Variants in GLIS3 observed in about 807,000 individuals in gnomAD.
GLIS3 encodes the protein GLIS family zinc finger 3, also known as zinc finger protein GLIS3.
In GLIS3, 53 loss-of-function variants were observed where a neutral mutation model predicts 78.6. The ratio of observed to expected loss-of-function variants is 0.67; its 90% CI spans 0.54 to 0.85. GLIS3 has a LOEUF of 0.85. Ranked by LOEUF, GLIS3 falls within the 40% of genes least tolerant of loss-of-function variation. The pLI is 0.00. For missense variants in GLIS3, 1,703 were observed against 1,231.1 expected (o/e 1.38, Z -5.74); for synonymous variants, 684 against 509.9 (o/e 1.34, Z -4.60).
chr9:4,069,953 T>C (rs1194898727), intron 4 of GLIS3, among the ~76,000 whole-genome samples: 3 of 152,054 alleles, frequency 2.0e-5, no homozygotes, highest in African/African-American at 7.2e-5. Flanking sequence ...CAGCTGTCCC[T>C]GACATGACTG....
the GLIS3 span, among the ~76,000 whole-genome samples, chr9:4,368,505 G>T: frequency 2.0e-5 from 3 of 151,980 alleles, no homozygotes; most frequent in Non-Finnish European, 2.9e-5. Context: ...CCACCACCAC[G>T]CCCGGCTAAT....
intron 4 of GLIS3, among the ~76,000 whole-genome samples, chr9:3,953,484 C>G (rs1816835575): frequency 6.6e-6 from 1 of 152,152 alleles, no homozygotes; most frequent in African/African-American, 2.4e-5. Flanking sequence ...TTCCACATCT[C>G]TTAATATTCA....
intron 1 of GLIS3, among the ~76,000 whole-genome samples, chr9:4,287,148 C>G (rs992662036): frequency 6.6e-6 from 1 of 152,074 alleles, no homozygotes; most frequent in Non-Finnish European, 1.5e-5. Flanking sequence ...CATAATGATC[C>G]TGAGTTATGG....
chr9:4,332,005 T>C (rs140167008), intron 2 of GLIS3, among the ~76,000 whole-genome samples: 28 of 152,320 alleles, frequency 1.8e-4, no homozygotes, highest in African/African-American at 5.5e-4. Flanking sequence ...GGAGTCCTTA[T>C]GTACTTAAAG....
At chr9:4,147,882 C>G (rs1834353916) in intron 2 of GLIS3, among the ~76,000 whole-genome samples, 1 of 152,002 alleles carries the variant, frequency 6.6e-6, no homozygotes, top group Non-Finnish European at 1.5e-5. Flanking sequence ...ATAGCTAACT[C>G]TGCAAACCCT....
At chr9:4,206,375 A>C (rs1251223135) in intron 2 of GLIS3, among the ~76,000 whole-genome samples, 1 of 152,254 alleles carries the variant, frequency 6.6e-6, no homozygotes, top group Non-Finnish European at 1.5e-5. Context: ...ATTGCAGTAT[A>C]TGAAGACTGC....
chr9:3,884,192 T>A (rs534622585), intron 7 of GLIS3, among the ~76,000 whole-genome samples: 68 of 152,184 alleles, frequency 4.5e-4, no homozygotes, highest in Non-Finnish European at 8.2e-4. Flanking sequence ...TTCTAATGGG[T>A]ATAAACAGGG....
rs576709609 is a variant in GLIS3 at position 4,067,220 on chromosome 9, ATTACT to A, written c.1710+50543_1710+50547del. 1.2e-3 allele frequency among the ~76,000 whole-genome samples: 178 copies of A among 151,724 alleles called. 1 individual carries two copies. Among genetic ancestry groups the A allele is most frequent in the African/African-American group, 3.8e-3 (157 of 41,494 alleles). ...AATACTTTATATTAAAATTCTTTAT[ATTACT>A]TTAAAGTATAATAGAAAGTATAATA... is the stretch of plus-strand genomic sequence containing the variant. On this transcript the variant is annotated intron_variant, in intron 4 of 10. Coordinates refer to ENST00000381971, the MANE Select transcript of GLIS3 (RefSeq NM_001042413.2).
intron 2 of GLIS3, among the ~76,000 whole-genome samples, chr9:4,163,247 C>G (rs899974657): frequency 7.0e-5 from 2 of 28,754 alleles, no homozygotes; most frequent in Non-Finnish European, 1.7e-4. Flanking sequence ...TGCACTGGCA[C>G]ACACACACAC....
At chr9:4,192,642 T>C (rs2224490) in intron 2 of GLIS3, among the ~76,000 whole-genome samples, 68,573 of 151,928 alleles carry the variant, frequency 0.45, 15,894 homozygotes, top group Middle Eastern at 0.54. Flanking sequence ...CATGCATGCA[T>C]GTATACATGC....
intron 2 of GLIS3, among the ~76,000 whole-genome samples, chr9:4,258,513 G>T (rs1009250357): frequency 2.0e-5 from 3 of 152,136 alleles, no homozygotes; most frequent in Non-Finnish European, 2.9e-5. Context: ...TTGCAACTTT[G>T]CTGTAAATCT....
the GLIS3 span, among the ~76,000 whole-genome samples, chr9:4,371,762 G>A: frequency 1.7e-3 from 256 of 152,250 alleles, 1 homozygote; most frequent in African/African-American, 5.8e-3. Flanking sequence ...CTTTAAAGTG[G>A]GTCCCCATCT....
intron 4 of GLIS3, among the ~76,000 whole-genome samples, chr9:3,967,400 G>A (rs1422949508): frequency 6.6e-6 from 1 of 152,124 alleles, no homozygotes; most frequent in Non-Finnish European, 1.5e-5. Context: ...CTACTCAGGA[G>A]GCTAAGGCAG....
chr9:4,488,178 C>G, the GLIS3 span, among the ~76,000 whole-genome samples: 2 of 152,086 alleles, frequency 1.3e-5, no homozygotes, highest in African/African-American at 4.8e-5. Context: ...TGGTCCTAAA[C>G]TCCTGGGCTT....
chr9:4,102,549 G>A (rs1391215500), intron 4 of GLIS3, among the ~76,000 whole-genome samples: 1 of 152,130 alleles, frequency 6.6e-6, no homozygotes, highest in Non-Finnish European at 1.5e-5. Flanking sequence ...TCGGCATCTG[G>A]TAGTTAGAGG....
chr9:4,160,588 C>A (rs893061103), intron 2 of GLIS3, among the ~76,000 whole-genome samples: 5 of 152,194 alleles, frequency 3.3e-5, no homozygotes, highest in Non-Finnish European at 5.9e-5. Context: ...CCAAATGAGT[C>A]CACGTTAACC....
intron 2 of GLIS3, among the ~76,000 whole-genome samples, chr9:4,232,437 G>C (rs1452673606): frequency 7.2e-6 from 1 of 138,022 alleles, no homozygotes; most frequent in African/African-American, 2.7e-5. Context: ...AAGAAACAAA[G>C]AAGACACCTA....
intron 4 of GLIS3, among the ~76,000 whole-genome samples, chr9:4,001,540 T>C (rs1821122322): frequency 6.6e-6 from 1 of 152,218 alleles, no homozygotes; most frequent in Admixed American, 6.5e-5. Flanking sequence ...TCCTTTTTGG[T>C]CTCTCCCACG....
the GLIS3 span, among the ~76,000 whole-genome samples, chr9:4,467,460 T>A: frequency 6.6e-6 from 1 of 152,140 alleles, no homozygotes; most frequent in Non-Finnish European, 1.5e-5. Flanking sequence ...GGCAACAACA[T>A]TTGCCATTCT....
Sources: allele counts gnomAD v4.1 joint callset (sites outside exome capture counted in the v4.1 genomes callset), GRCh38; gene constraint gnomAD v4.1.1; transcripts MANE v1.5; gene names NCBI Gene and HGNC (gene_info 2026-07-23, HGNC 2026-07-21).